KAT7: variants seen among roughly 807,000 people sequenced by gnomAD.
The protein encoded by KAT7 is histone acetyltransferase KAT7.
A neutral mutation model predicts 82.1 loss-of-function variants in KAT7; 10 were observed. The ratio of observed to expected loss-of-function variants is 0.12; its 90% confidence interval spans 0.08 to 0.21. The LOEUF is 0.21. Ranked by LOEUF, KAT7 falls within the 10% of genes least tolerant of loss-of-function variation. The pLI is 1.00. For synonymous variants in KAT7, 250 were observed against 262.5 expected, an observed-to-expected ratio of 0.95 and a Z score of 0.46; for missense variants, 378 against 760.9, an observed-to-expected ratio of 0.50 and a Z score of 5.92.
intron 13 of KAT7, 55 bp from the exon 14 acceptor site, chr17:49,826,638 C>T: frequency 8.4e-7 from 1 of 1,186,312 alleles, no homozygotes. Flanking sequence ...TGGTTGGGGG[C>T]AAAGGGGTGG....
At chr17:49,806,443 A>T (rs771372723) in intron 5 of KAT7, among the ~76,000 whole-genome samples, 1 of 152,182 alleles carries the variant, frequency 6.6e-6, no homozygotes, top group Non-Finnish European at 1.5e-5. Context: ...ATAAGTGGCA[A>T]TTCCTTCTGC....
chr17:49,812,334 C>T (rs1273922183), intron 7 of KAT7, among the ~76,000 whole-genome samples: 1 of 148,468 alleles, frequency 6.7e-6, no homozygotes, highest in Admixed American at 6.8e-5. Flanking sequence ...AAGTAATTCT[C>T]CCGCCTCAGC....
intron 2 of KAT7, among the ~76,000 whole-genome samples, chr17:49,793,938 A>G (rs578147503): frequency 1.3e-5 from 2 of 152,298 alleles, no homozygotes; most frequent in South Asian, 2.1e-4. Flanking sequence ...CAAGCAAGAA[A>G]GTGGGAATAT....
chr17:49,820,735 T>C (rs906725239), intron 9 of KAT7, among the ~76,000 whole-genome samples: 2 of 150,176 alleles, frequency 1.3e-5, no homozygotes, highest in African/African-American at 4.9e-5. Context: ...GCTGCTCAGC[T>C]AGGCTGCTTG....
At chr17:49,811,702 T>C in intron 7 of KAT7, 128 bp downstream of exon 7, 1 of 419,400 alleles carries the variant, frequency 2.4e-6, no homozygotes, top group Non-Finnish European at 4.3e-6. Flanking sequence ...CAATTGACTC[T>C]TCTATGGCAC....
At chr17:49,819,685 A>G (rs1019760947) in intron 9 of KAT7, among the ~76,000 whole-genome samples, 5 of 152,228 alleles carry the variant, frequency 3.3e-5, no homozygotes, top group Non-Finnish European at 7.3e-5. Flanking sequence ...AATTTATTCC[A>G]TGCCTGTTCT....
chr17:49,800,706 A>C (rs1296262719), intron 4 of KAT7, among the ~76,000 whole-genome samples: 1 of 152,180 alleles, frequency 6.6e-6, no homozygotes, highest in Non-Finnish European at 1.5e-5. Flanking sequence ...TGAACAAGTC[A>C]AAGTCTCTGC....
chr17:49,801,311 G>A (rs1387107772), intron 4 of KAT7, among the ~76,000 whole-genome samples: 1 of 152,106 alleles, frequency 6.6e-6, no homozygotes, highest in Non-Finnish European at 1.5e-5. Context: ...AGCTGCCTGA[G>A]TAGCTGGGGA....
chr17:49,825,577 G>C (rs2074358613), intron 12 of KAT7, among the ~76,000 whole-genome samples: 1 of 152,204 alleles, frequency 6.6e-6, no homozygotes, highest in African/African-American at 2.4e-5. Flanking sequence ...TTGAGAGACA[G>C]ACAACCTTCA....
intron 4 of KAT7, among the ~76,000 whole-genome samples, chr17:49,804,180 C>T (rs1452175914): frequency 6.6e-6 from 1 of 151,324 alleles, no homozygotes; most frequent in African/African-American, 2.4e-5. Context: ...GAGATCGAGA[C>T]CATCCTGGCT....
chr17:49,812,270 G>A (rs1229308758), intron 7 of KAT7, among the ~76,000 whole-genome samples: 2 of 147,800 alleles, frequency 1.4e-5, no homozygotes, highest in African/African-American at 5.0e-5. Context: ...AGTCGGCCAG[G>A]CTGGAGTGCA....
chr17:49,807,836 G>A (rs192060338), intron 5 of KAT7, among the ~76,000 whole-genome samples: 28 of 152,294 alleles, frequency 1.8e-4, no homozygotes, highest in Admixed American at 1.6e-3. Flanking sequence ...TGTGAGAAAA[G>A]AGAAGAATCT....
intron 14 of KAT7, 113 bp downstream of exon 14, chr17:49,826,912 C>T: frequency 1.6e-6 from 1 of 643,108 alleles, no homozygotes; most frequent in South Asian, 1.9e-5. Context: ...GGGCTACACG[C>T]CCCTTTTACT....
At chr17:49,811,080 A>G (rs1237564180) in intron 6 of KAT7, among the ~76,000 whole-genome samples, 1 of 151,938 alleles carries the variant, frequency 6.6e-6, no homozygotes, top group African/African-American at 2.4e-5. Flanking sequence ...TTTTCTCTTT[A>G]AAATTTTTTT....
At position 49,828,555 on chromosome 17, in the gene KAT7, C is replaced by T. The variant is rs1035114958; in HGVS notation, c.*1053C>T. The T allele has an allele frequency of 1.3e-5, 2 of 152,630 alleles. No homozygotes were observed. Among genetic ancestry groups the T allele is most frequent in the African/African-American group, 4.8e-5 (2 of 41,436 alleles). 9.5% of individuals were successfully genotyped at this position (152,630 alleles called of 1,614,324 possible). ...TGGCCACCCCTGCCAAAGTTTGCTT[C>T]TCTTTTCAACAGTGCCTCACCCTCC... On this transcript the variant is annotated 3_prime_UTR_variant, in exon 15 of 15. Coordinates refer to ENST00000259021, the MANE Select transcript of KAT7 (RefSeq NM_007067.5).
At position 49,817,947 on chromosome 17, in the gene KAT7, G is replaced by T; in HGVS notation, c.1091G>T (p.Arg364Leu). ...CCTGAAGAATATGCACGGCTGGGAC[G>T]TCTCTATATGTGTGAATTCTGTTTA... is the stretch of plus-strand genomic sequence containing the variant. Reference protein sequence around the residue: ...PYPEEYARLGRLYMCEFCLKY... With the variant: ...PYPEEYARLGLLYMCEFCLKY... The change falls in exon 9 of 15, where the codon CGT (arginine) becomes CTT (leucine). Residue 364 changes from arginine (R) to leucine (L), a missense_variant. Around this residue, in one of 6 missense-constraint regions of KAT7, gnomAD observed 37 missense variants for 98.6 expected, o/e 0.38. Coordinates refer to ENST00000259021, the MANE Select transcript of KAT7 (RefSeq NM_007067.5). The T allele has an allele frequency of 6.2e-7, 1 of 1,613,682 alleles. No individual in the cohort carries two copies. The highest frequency in any genetic ancestry group is 8.5e-7 in the Non-Finnish European group (1 of 1,179,638).
Position 49,829,809 on chromosome 17 carries a change from T to A in KAT7, c.*2307T>A, listed in dbSNP as rs1043938074. 4 of 152,148 alleles carry A rather than the reference T, an allele frequency of 2.6e-5. No homozygotes were observed. The highest frequency in any genetic ancestry group is 5.9e-5 in the Non-Finnish European group (4 of 68,032). 9.4% of individuals were successfully genotyped at this position (152,148 alleles called of 1,614,324 possible). On this transcript the variant is annotated 3_prime_UTR_variant, in exon 15 of 15. Transcript: ENST00000259021. ...AAAAATAAAAGGATTTATTATCTCA[T>A]TTAAACCCCCACAGGTGTGGAAACA...
At chr17:49,798,899 G>GT (rs1259252369) in intron 4 of KAT7, among the ~76,000 whole-genome samples, 1 of 152,196 alleles carries the variant, frequency 6.6e-6, no homozygotes, top group Non-Finnish European at 1.5e-5. Context: ...GTGAGGACTA[G>GT]TTAAGGATAA....
At chr17:49,826,247 T>A in intron 13 of KAT7, 101 bp downstream of exon 13, 1 of 1,189,630 alleles carries the variant, frequency 8.4e-7, no homozygotes, top group Non-Finnish European at 1.2e-6. Context: ...GCCCACTGAA[T>A]ATGGACCACT....
Sources: allele counts gnomAD v4.1 joint callset (sites outside exome capture counted in the v4.1 genomes callset), GRCh38; gene constraint gnomAD v4.1.1; regional missense constraint gnomAD v4.1.1; transcripts MANE v1.5; gene names NCBI Gene and HGNC (gene_info 2026-07-23, HGNC 2026-07-21).